SHANK2: variants seen among roughly 807,000 people sequenced by gnomAD.
The protein encoded by SHANK2 is SH3 and multiple ankyrin repeat domains 2, also known as SH3 and multiple ankyrin repeat domains protein 2.
Under a neutral mutation model 133.7 loss-of-function variants are expected in SHANK2, and 43 were observed. The observed-to-expected ratio is 0.32, with a 90% CI of 0.25 to 0.41. The LOEUF is 0.41. SHANK2 is among the 10% of genes least tolerant of loss of function. The pLI is 1.00. For missense variants in SHANK2, 1,994 were observed against 2,235.8 expected (o/e 0.89, Z 2.18); for synonymous variants, 1,017 against 952.8 (o/e 1.07, Z -1.24).
chr11:70,766,443 CAG>C (rs1383917456), intron 14 of SHANK2, among the ~76,000 whole-genome samples: 2 of 152,174 alleles, frequency 1.3e-5, no homozygotes, highest in Non-Finnish European at 2.9e-5. Flanking sequence ...AAGGAGAAGT[CAG>C]AGGGGAGGAA....
chr11:70,756,740 A>G (rs1555039005), intron 14 of SHANK2, among the ~76,000 whole-genome samples: 1 of 152,132 alleles, frequency 6.6e-6, no homozygotes, highest in East Asian at 1.9e-4. Context: ...CTATCATCTC[A>G]GTGGCCACGC....
At chr11:70,782,040 C>G (rs974605170) in intron 14 of SHANK2, among the ~76,000 whole-genome samples, 1 of 152,148 alleles carries the variant, frequency 6.6e-6, no homozygotes, top group Non-Finnish European at 1.5e-5. Context: ...CATGTTCTCA[C>G]TCATAGGTGG....
intron 2 of SHANK2, among the ~76,000 whole-genome samples, chr11:71,191,974 C>T (rs1953802621): frequency 6.6e-6 from 1 of 152,150 alleles, no homozygotes; most frequent in South Asian, 2.1e-4. Context: ...GATTCTCCTG[C>T]CTCAGCCTCC....
chr11:71,146,014 TG>T (rs1233988390), intron 3 of SHANK2, among the ~76,000 whole-genome samples: 1 of 152,190 alleles, frequency 6.6e-6, no homozygotes, highest in African/African-American at 2.4e-5. Context: ...TCCTAACTCT[TG>T]GATGTCTACC....
chr11:71,081,540 G>A (rs1410374126), intron 8 of SHANK2, among the ~76,000 whole-genome samples: 1 of 152,170 alleles, frequency 6.6e-6, no homozygotes, highest in Non-Finnish European at 1.5e-5. Flanking sequence ...GGGCAGGATA[G>A]AGGACCTGCC....
intron 14 of SHANK2, among the ~76,000 whole-genome samples, chr11:70,723,299 G>GTCTCTCTCTCTCTCTCTCTCTCTCTCTC (rs57815500): frequency 2.1e-5 from 3 of 145,726 alleles, no homozygotes; most frequent in African/African-American, 7.7e-5. Context: ...TGGAGGGTCT[G>GTCTCTCTCTCTCTCTCTCTCTCTCTCTC]TCTCTCTCTC....
chr11:71,213,215 C>T (rs917073825), intron 2 of SHANK2, among the ~76,000 whole-genome samples: 2 of 151,792 alleles, frequency 1.3e-5, no homozygotes, highest in Non-Finnish European at 2.9e-5. Flanking sequence ...GCTGAGGGGC[C>T]AGGCACAGGG....
intron 17 of SHANK2, among the ~76,000 whole-genome samples, chr11:70,652,434 T>C (rs1293851939): frequency 1.3e-5 from 2 of 152,200 alleles, no homozygotes; most frequent in African/African-American, 4.8e-5. Flanking sequence ...TTATCCCCGT[T>C]TGTTCAACTA....
chr11:71,098,162 T>C (rs1254116389), intron 6 of SHANK2, among the ~76,000 whole-genome samples: 2 of 151,156 alleles, frequency 1.3e-5, no homozygotes, highest in Non-Finnish European at 3.0e-5. Flanking sequence ...CCTGTGTGCA[T>C]GTGCATGCCT....
chr11:71,192,278 A>C (rs1953808945), intron 2 of SHANK2, among the ~76,000 whole-genome samples: 1 of 152,196 alleles, frequency 6.6e-6, no homozygotes, highest in African/African-American at 2.4e-5. Context: ...AGTGGGGGTT[A>C]CAGGTTCAAC....
intron 8 of SHANK2, among the ~76,000 whole-genome samples, chr11:71,090,581 C>T (rs1951494937): frequency 1.2e-5 from 1 of 81,246 alleles, no homozygotes; most frequent in African/African-American, 5.6e-5. Flanking sequence ...GCTGCTTCTA[C>T]ATTCAGGGTG....
chr11:70,908,693 G>A (rs1950146276), intron 10 of SHANK2, among the ~76,000 whole-genome samples: 1 of 152,202 alleles, frequency 6.6e-6, no homozygotes, highest in Non-Finnish European at 1.5e-5. Flanking sequence ...GGATGCTGGG[G>A]TTCAGCACCA....
chr11:70,478,429 A>T (rs1157411371), intron 25 of SHANK2, among the ~76,000 whole-genome samples: 3 of 152,132 alleles, frequency 2.0e-5, no homozygotes, highest in Non-Finnish European at 1.5e-5. Context: ...CTGTCAACAT[A>T]TGTTCTCTCC....
chr11:70,707,634 C>G (rs782556539), intron 14 of SHANK2, among the ~76,000 whole-genome samples: 9 of 152,144 alleles, frequency 5.9e-5, no homozygotes, highest in Non-Finnish European at 1.0e-4. Context: ...CCTCAGTTTT[C>G]TCAACTGTGC....
chr11:70,576,427 G>A (rs1249019264), intron 17 of SHANK2, among the ~76,000 whole-genome samples: 1 of 152,132 alleles, frequency 6.6e-6, no homozygotes, highest in South Asian at 2.1e-4. Flanking sequence ...GAGGTCAGGA[G>A]ATCGAGACCA....
intron 17 of SHANK2, among the ~76,000 whole-genome samples, chr11:70,624,847 G>A (rs12793007): frequency 0.043 from 6,513 of 152,286 alleles, 164 homozygotes; most frequent in South Asian, 0.069. Context: ...GCGGCTCTGC[G>A]AAATGCCTCC....
chr11:71,133,237 A>ATGG (rs1952357214), intron 3 of SHANK2, among the ~76,000 whole-genome samples: 7 of 109,062 alleles, frequency 6.4e-5, no homozygotes, highest in Admixed American at 9.3e-5. Flanking sequence ...TGCACAGATG[A>ATGG]ATGGATGGAT....
At chr11:70,920,144 T>C (rs1950329648) in intron 10 of SHANK2, among the ~76,000 whole-genome samples, 1 of 152,266 alleles carries the variant, frequency 6.6e-6, no homozygotes, top group Admixed American at 6.5e-5. Context: ...AGATAGTGCA[T>C]ACAGCATAAT....
Position 70,485,073 on chromosome 11 carries a change from TCATTA to T in SHANK2, c.4979+236_4979+240del, listed in dbSNP as rs2058781443. On this transcript the variant is annotated intron_variant, in intron 25 of 25. Coordinates refer to ENST00000601538, the MANE Select transcript of SHANK2 (RefSeq NM_012309.5). The surrounding 1 kb of genome is among the most constrained non-coding windows in gnomAD (Gnocchi z 5.8). ...GAGGAGGGCTTCCAGCAACCTCATT[TCATTA>T]CAAGTCTTTATGAAGGAGTGCTGTG... 6.6e-6 allele frequency among the ~76,000 whole-genome samples: 1 copy of T among 152,216 alleles called. No individual in the cohort carries two copies. Among genetic ancestry groups the T allele is most frequent in the Non-Finnish European group, 1.5e-5 (1 of 68,042 alleles).
Sources: allele counts gnomAD v4.1 joint callset (sites outside exome capture counted in the v4.1 genomes callset), GRCh38; gene constraint gnomAD v4.1.1; non-coding constraint Gnocchi (gnomAD v3.1); transcripts MANE v1.5; gene names NCBI Gene and HGNC (gene_info 2026-07-23, HGNC 2026-07-21).